The following FGF12 variants were observed in gnomAD, a reference collection of about 807,000 sequenced individuals.
FGF12 encodes the protein fibroblast growth factor 12B.
A neutral mutation model predicts 23.6 loss-of-function variants in FGF12; 14 were observed. That is an observed-to-expected ratio of 0.59 (90% confidence interval 0.39 to 0.93). The LOEUF (loss-of-function observed/expected upper bound fraction) is 0.93. Ranked by LOEUF, FGF12 falls within the 40% of genes least tolerant of loss-of-function variation. FGF12 has a pLI of 0.00. For missense variants in FGF12, 175 were observed against 217.8 expected (o/e 0.80, Z 1.24); for synonymous variants, 62 against 77.3 (o/e 0.80, Z 1.04).
chr3:192,335,889 A>G (rs534023433), intron 3 of FGF12, among the ~76,000 whole-genome samples: 1 of 152,228 alleles, frequency 6.6e-6, no homozygotes, highest in Admixed American at 6.5e-5. Flanking sequence ...AACAGGCCAA[A>G]GCTTCTTGTT....
intron 4 of FGF12, chr3:192,268,841 T>C (rs150034957): frequency 1.2e-5 from 2 of 167,834 alleles, no homozygotes; most frequent in East Asian, 3.7e-4. Flanking sequence ...AATAGCCTAC[T>C]TTAATAAAGT....
intron 2 of FGF12, among the ~76,000 whole-genome samples, chr3:192,552,821 G>A (rs1207532055): frequency 2.6e-5 from 4 of 152,086 alleles, no homozygotes; most frequent in African/African-American, 9.7e-5. Context: ...AACCTGGGTA[G>A]CAAAAGTTGC....
intron 2 of FGF12, among the ~76,000 whole-genome samples, chr3:192,439,773 A>C (rs560230755): frequency 6.6e-6 from 1 of 152,080 alleles, no homozygotes; most frequent in Non-Finnish European, 1.5e-5. Context: ...TCAGGAGTTC[A>C]AGACCAGCCT....
intron 2 of FGF12, among the ~76,000 whole-genome samples, chr3:192,436,933 C>T (rs1323803024): frequency 2.0e-5 from 3 of 152,130 alleles, no homozygotes; most frequent in Non-Finnish European, 4.4e-5. Flanking sequence ...AAATTATCTA[C>T]GTAAAAAATT....
Position 192,170,659 on chromosome 3 carries a change from G to A in FGF12, c.229-3C>T, listed in dbSNP as rs1251652093. 2 of 1,519,706 alleles carry A rather than the reference G, an allele frequency of 1.3e-6. No individual in the cohort carries two copies. Among genetic ancestry groups the A allele is most frequent in the African/African-American group, 4.0e-5 (2 of 50,446 alleles). The allele number at this position is 1,519,706 out of a possible 1,614,324, so 94.1% of individuals were successfully genotyped here. ...TTGCATTCTGGAGTGAAAACATCCT[G>A]TAGGAAAAAAAAAAAAAGACACAAA... is the stretch of plus-strand genomic sequence containing the variant. On this transcript the variant is annotated splice_region_variant and splice_polypyrimidine_tract_variant and intron_variant, in intron 4 of 5. Transcript: ENST00000445105.
At chr3:192,639,778 T>A (rs571425590) in intron 2 of FGF12, among the ~76,000 whole-genome samples, 2 of 152,190 alleles carry the variant, frequency 1.3e-5, no homozygotes, top group Non-Finnish European at 2.9e-5. Flanking sequence ...GTAATGTAGA[T>A]CTTATGTCAG....
chr3:192,154,640 A>G (rs913155366), intron 5 of FGF12, among the ~76,000 whole-genome samples: 3 of 149,148 alleles, frequency 2.0e-5, no homozygotes, highest in African/African-American at 7.4e-5. Flanking sequence ...GTCAGGGGTC[A>G]GGGACCCACT....
intron 5 of FGF12, among the ~76,000 whole-genome samples, chr3:192,164,343 G>A (rs1224584104): frequency 6.6e-6 from 1 of 152,148 alleles, no homozygotes; most frequent in Non-Finnish European, 1.5e-5. Context: ...TATATGCAAT[G>A]TACATAGTAA....
chr3:192,409,680 G>A lies in FGF12; in HGVS notation c.14-49142C>T, dbSNP rs1721121977. ...GGCGATGTTGGCTCGCGGCGGCTGA[G>A]GCTCCTGGCCGGAGCTGCCCACCAT... On this transcript the variant is annotated intron_variant, in intron 2 of 5. Coordinates refer to ENST00000445105, the MANE Select transcript of FGF12 (RefSeq NM_004113.6). The surrounding 1 kb of genome is among the most constrained non-coding windows in gnomAD (Gnocchi z 4.8). 6.6e-6 allele frequency among the ~76,000 whole-genome samples: 1 copy of A among 152,198 alleles called. No individual in the cohort carries two copies. The highest frequency in any genetic ancestry group is 1.5e-5 in the Non-Finnish European group (1 of 68,016).
intron 2 of FGF12, among the ~76,000 whole-genome samples, chr3:192,363,122 G>A (rs1046358619): frequency 4.2e-4 from 64 of 151,854 alleles, no homozygotes; most frequent in African/African-American, 1.4e-3. Flanking sequence ...ATAGCATTAG[G>A]AGATATATCT....
chr3:192,167,731 G>GCATATATATATATA (rs1715249845), intron 5 of FGF12, among the ~76,000 whole-genome samples: 1 of 25,044 alleles, frequency 4.0e-5, no homozygotes, highest in Non-Finnish European at 6.2e-5. Flanking sequence ...TAGGTTATAG[G>GCATATATATATATA]TATATATATA....
At chr3:192,635,872 A>G (rs972167771) in intron 2 of FGF12, among the ~76,000 whole-genome samples, 9 of 152,304 alleles carry the variant, frequency 5.9e-5, no homozygotes, top group East Asian at 5.8e-4. Context: ...TAATCTCATG[A>G]TCAGACCTTA....
chr3:192,704,609 A>C (rs1008427177), intron 2 of FGF12, among the ~76,000 whole-genome samples: 2 of 152,182 alleles, frequency 1.3e-5, no homozygotes, highest in African/African-American at 4.8e-5. Flanking sequence ...GTGCATGAGC[A>C]TTGGCTTCCA....
chr3:192,165,236 T>TTGCTGG (rs1715097202), intron 5 of FGF12, among the ~76,000 whole-genome samples: 1 of 152,086 alleles, frequency 6.6e-6, no homozygotes, highest in African/African-American at 2.4e-5. Context: ...AATACAGGTA[T>TTGCTGG]GAGCCACTGC....
chr3:192,230,255 T>A (rs1054385868), intron 4 of FGF12, among the ~76,000 whole-genome samples: 1 of 152,200 alleles, frequency 6.6e-6, no homozygotes, highest in Non-Finnish European at 1.5e-5. Context: ...AATTATGTGA[T>A]GTGAAACTTC....
At chr3:192,195,536 G>A (rs1414784136) in intron 4 of FGF12, among the ~76,000 whole-genome samples, 3 of 152,150 alleles carry the variant, frequency 2.0e-5, no homozygotes, top group East Asian at 1.9e-4. Context: ...GTAGCCTAGC[G>A]GCAATAGGCT....
chr3:192,514,774 G>A lies in FGF12; in HGVS notation c.14-154236C>T, dbSNP rs576976650. ...AATCTTCATGGAGAAGCGCGTGTGTGGGGTTGGTCAACTCCCCGCCCACCT... is the reference window on the plus strand; with the variant it reads ...AATCTTCATGGAGAAGCGCGTGTGTAGGGTTGGTCAACTCCCCGCCCACCT... On this transcript the variant is annotated intron_variant, in intron 2 of 5. Transcript: ENST00000445105. This position sits in a 1 kb window ranked among gnomAD's most constrained non-coding sequence, Gnocchi z 4.9. The A allele has an allele frequency of 4.4e-5, 43 of 985,268 alleles. No individual in the cohort carries two copies. The highest frequency in any genetic ancestry group is 4.9e-5 in the Non-Finnish European group (41 of 829,896). 61.0% of individuals were successfully genotyped at this position (985,268 alleles called of 1,614,324 possible).
At chr3:192,404,713 T>C (rs1720892935) in intron 2 of FGF12, among the ~76,000 whole-genome samples, 1 of 152,176 alleles carries the variant, frequency 6.6e-6, no homozygotes, top group South Asian at 2.1e-4. Context: ...CTCATCCAAC[T>C]TTCCAGTTCA....
At chr3:192,571,978 G>A (rs1244543895) in intron 2 of FGF12, among the ~76,000 whole-genome samples, 5 of 149,506 alleles carry the variant, frequency 3.3e-5, no homozygotes, top group African/African-American at 5.0e-5. Context: ...TGTAATATAC[G>A]AGTGTTAGCA....
Sources: gnomAD v4.1 joint callset for allele counts (sites outside exome capture counted in the v4.1 genomes callset) on GRCh38, gnomAD v4.1.1 for gene constraint, Gnocchi (gnomAD v3.1) non-coding constraint, MANE v1.5 for transcripts, NCBI Gene and HGNC (gene_info 2026-07-23, HGNC 2026-07-21) for gene names.